The following TBC1D2 variants were observed in gnomAD, a reference collection of about 807,000 sequenced individuals.
TBC1D2 encodes the protein TBC1 domain family member 2A.
Under a neutral mutation model 91.1 loss-of-function variants are expected in TBC1D2, and 58 were observed. The ratio of observed to expected loss-of-function variants is 0.64; its 90% CI spans 0.52 to 0.79. The LOEUF (loss-of-function observed/expected upper bound fraction) is 0.79, where lower values mean the gene tolerates loss of function less well. TBC1D2 is among the 30% of genes least tolerant of loss of function. TBC1D2 has a pLI of 0.00. For synonymous variants in TBC1D2, 482 were observed against 511.5 expected (o/e 0.94, Z 0.78); for missense variants, 1,080 against 1,208.3 (o/e 0.89, Z 1.57).
Position 98,199,081 on chromosome 9 carries a change from TTCCAGGTTA to T in TBC1D2, c.*291_*299del. On this transcript the variant is annotated 3_prime_UTR_variant, in exon 13 of 13. Transcript: ENST00000465784. ...TTATATTGATATAACCTAGAGAATGTTCCAGGTTACCCTATAGAGGCAGTGCTCTTGCTT... is the reference window on the plus strand; with the variant it reads ...TTATATTGATATAACCTAGAGAATGTCCCTATAGAGGCAGTGCTCTTGCTT... 1 of 551,874 alleles carries T rather than the reference TTCCAGGTTA, an allele frequency of 1.8e-6. No individual in the cohort carries two copies. The allele number at this position is 551,874 out of a possible 1,614,324, so 34.2% of individuals were successfully genotyped here.
At chr9:98,248,496 G>A (rs533624068) in intron 2 of TBC1D2, among the ~76,000 whole-genome samples, 8 of 152,256 alleles carry the variant, frequency 5.3e-5, no homozygotes, top group Non-Finnish European at 7.3e-5. Flanking sequence ...TGACCCAGGA[G>A]GTCACTGCCT....
At position 98,251,900 on chromosome 9, in the gene TBC1D2, G is replaced by A. The variant is rs928526342; in HGVS notation, c.396C>T (p.Tyr132=). The A allele has an allele frequency of 3.1e-6, 5 of 1,600,676 alleles. No individual in the cohort carries two copies. In the Admixed American group the frequency reaches 6.9e-5, roughly 22 times the overall value. ...GCTTCATCTGCAGCTGCTGCAGCCA[G>A]TACAGCATCGCTTGCTTGGTGGCGG... The part of the protein sequence containing the change: ...LKAATKQAML[Y]WLQQLQMKRW... Residue 132 remains tyrosine (Y), a synonymous_variant, in exon 2 of 13, where the codon TAC becomes TAT. Transcript: ENST00000465784.
At chr9:98,249,679 G>T (rs1302571965) in intron 2 of TBC1D2, among the ~76,000 whole-genome samples, 1 of 152,078 alleles carries the variant, frequency 6.6e-6, no homozygotes. Flanking sequence ...AAGAATAAAA[G>T]GAACAGTTAT....
rs149431933 is a variant in TBC1D2 at position 98,238,699 on chromosome 9, T to C, written c.648-5150A>G. Reference sequence around the variant, plus strand: ...GCTTTGCATTTTTCATTGATTCCCTTTATCAAGCTGGGGAAGTTTCGTTCT... The same window carrying C: ...GCTTTGCATTTTTCATTGATTCCCTCTATCAAGCTGGGGAAGTTTCGTTCT... On this transcript the variant is annotated intron_variant, in intron 3 of 12. Coordinates refer to ENST00000465784, the MANE Select transcript of TBC1D2 (RefSeq NM_001267571.2). Among the ~76,000 whole-genome samples the C allele has an allele frequency of 4.9e-4, 67 of 136,480 alleles. 1 individual carries two copies. Among genetic ancestry groups the C allele is most frequent in the Non-Finnish European group, 7.1e-4 (48 of 67,666 alleles). The allele number at this position is 136,480 out of a possible 152,430, so 89.5% of individuals were successfully genotyped here.
At position 98,221,126 on chromosome 9, in the gene TBC1D2, G is replaced by C; in HGVS notation, c.1081C>G (p.Leu361Val). The C allele has an allele frequency of 6.3e-7, 1 of 1,590,164 alleles. No homozygotes were observed. Among genetic ancestry groups the C allele is most frequent in the Non-Finnish European group, 8.6e-7 (1 of 1,169,166 alleles). ...AAAEDKDRLE[L>V]VRHKVRQIAE... ...ATCTGCCGCACTTTGTGCCGCACCA[G>C]CTCCAGCCGGTCCTTGTCCTCAGCC... Residue 361 changes from leucine (L) to valine (V), a missense_variant, in exon 6 of 13, where the codon CTG (leucine) becomes GTG (valine). Leu to Val is a conservative substitution (Grantham distance 32). Coordinates refer to ENST00000465784, the MANE Select transcript of TBC1D2 (RefSeq NM_001267571.2).
In TBC1D2 at chr9:98,209,087, C is replaced by G. The variant is rs575777891; in HGVS notation, c.1731G>C (p.Lys577Asn). ...CCAATGCCTGGATCTTGGCCAGCAG[C>G]TTCAGGTCTTCCACCTCATAGTCGG... Reference protein sequence around the residue: ...TVPDYEVEDLKLLAKIQALES... With the variant: ...TVPDYEVEDLNLLAKIQALES... The change falls in exon 9 of 13, where the codon AAG becomes AAC. Residue 577 changes from lysine to asparagine, a missense_variant. Physicochemically the swap from Lys to Asn is moderately conservative, Grantham distance 94. Coordinates refer to ENST00000465784, the MANE Select transcript of TBC1D2 (RefSeq NM_001267571.2). 6.2e-7 allele frequency: 1 copy of G among 1,614,198 alleles called. No homozygotes were observed. Among genetic ancestry groups the G allele is most frequent in the South Asian group, 1.1e-5 (1 of 91,086 alleles).
chr9:98,252,557 T>G (rs1368351366), intron 1 of TBC1D2, among the ~76,000 whole-genome samples: 1 of 152,166 alleles, frequency 6.6e-6, no homozygotes, highest in Non-Finnish European at 1.5e-5. Context: ...GGTCCAAACA[T>G]CCACTTTCAC....
At chr9:98,239,051 A>G (rs1829575912) in intron 3 of TBC1D2, among the ~76,000 whole-genome samples, 1 of 151,412 alleles carries the variant, frequency 6.6e-6, no homozygotes, top group African/African-American at 2.4e-5. Flanking sequence ...AAAATTATTT[A>G]TTTATTTATT....
At chr9:98,251,649 C>T (rs1473918549) in intron 2 of TBC1D2, 136 bp downstream of exon 2, 1 of 1,320,770 alleles carries the variant, frequency 7.6e-7, no homozygotes, top group African/African-American at 1.5e-5. Flanking sequence ...AATTCTTGCC[C>T]TAACTAATCC....
chr9:98,221,166 G>A lies in TBC1D2; in HGVS notation c.1041C>T (p.Ser347=), dbSNP rs539472339. 1.4e-5 allele frequency: 22 copies of A among 1,566,398 alleles called. No homozygotes were observed. The African/African-American group carries it at 2.2e-4, about 15-fold the overall frequency. Residue 347 remains serine (S), a synonymous_variant, in exon 6 of 13, where the codon AGC becomes AGT. Coordinates refer to ENST00000465784, the MANE Select transcript of TBC1D2 (RefSeq NM_001267571.2). The stretch of plus-strand genomic sequence containing the variant: ...TGTCCTCAGCCGCCGCCAGGTATGC[G>A]CTGGACGCCCGCTTCTCCTGCTGGG... The part of the protein sequence containing the change: ...EAAQQEKRAS[S]AYLAAAEDKD...
At chr9:98,218,410 C>CA (rs201684507) in intron 6 of TBC1D2, among the ~76,000 whole-genome samples, 60,007 of 150,764 alleles carry the variant, frequency 0.4, 12,175 homozygotes, top group African/African-American at 0.43. Flanking sequence ...ACTAAAAATA[C>CA]AAAAAAATTA....
chr9:98,251,707 G>C lies in TBC1D2; in HGVS notation c.511+78C>G, dbSNP rs369721142. On this transcript the variant is annotated intron_variant, in intron 2 of 12. Coordinates refer to ENST00000465784, the MANE Select transcript of TBC1D2 (RefSeq NM_001267571.2). ...GCTTCCTTAGCAGAGGGCTCCTCCC[G>C]CTCATTCCCAGCAGGAGGGTAAAGG... 1.1e-4 allele frequency: 154 copies of C among 1,465,268 alleles called. No homozygotes were observed. The African/African-American group carries it at 1.9e-3, about 18-fold the overall frequency. 90.8% of individuals were successfully genotyped at this position (1,465,268 alleles called of 1,614,324 possible).
At chr9:98,238,994 A>T (rs1406634028) in intron 3 of TBC1D2, among the ~76,000 whole-genome samples, 1 of 152,058 alleles carries the variant, frequency 6.6e-6, no homozygotes, top group East Asian at 1.9e-4. Context: ...AAGTGCTGGG[A>T]TTGCAGGCAT....
At chr9:98,202,630 C>T (rs978105822) in intron 10 of TBC1D2, among the ~76,000 whole-genome samples, 4 of 152,160 alleles carry the variant, frequency 2.6e-5, no homozygotes, top group African/African-American at 4.8e-5. Flanking sequence ...GCAGGAGGAG[C>T]GGATGGGAGT....
intron 1 of TBC1D2, among the ~76,000 whole-genome samples, chr9:98,254,287 AT>A (rs1456868319): frequency 6.7e-6 from 1 of 148,490 alleles, no homozygotes; most frequent in Non-Finnish European, 1.5e-5. Flanking sequence ...TCCTCTTGAC[AT>A]TAGCACTCTG....
At position 98,233,428 on chromosome 9, in the gene TBC1D2, C is replaced by A. The variant is rs548342801; in HGVS notation, c.769G>T (p.Ala257Ser). Residue 257 changes from alanine to serine, a missense_variant, in exon 4 of 13, where the codon GCC (alanine) becomes TCC (serine). Physicochemically the swap from Ala to Ser is moderately conservative, Grantham distance 99. Transcript: ENST00000465784. Reference sequence around the variant, plus strand: ...GACAGAGGCTCACCTGGGGTGCTGGCGTCAGAGGCCAAGGGCTGCTCCTCC... The same window carrying A: ...GACAGAGGCTCACCTGGGGTGCTGGAGTCAGAGGCCAAGGGCTGCTCCTCC... Reference protein sequence around the residue: ...QREEQPLASDASTPGREPEDS... With the variant: ...QREEQPLASDSSTPGREPEDS... 3.1e-6 allele frequency: 5 copies of A among 1,613,700 alleles called. No homozygotes were observed. In the East Asian group the frequency reaches 1.1e-4, roughly 36 times the overall value.
Position 98,200,304 on chromosome 9 carries a change from A to C in TBC1D2, c.2528T>G (p.Leu843Arg). The change falls in exon 12 of 13, where the codon CTG becomes CGG. Residue 843 changes from leucine to arginine, a missense_variant. By Grantham distance (102) the Leu-to-Arg change is moderately radical (BLOSUM62 -2). Coordinates refer to ENST00000465784, the MANE Select transcript of TBC1D2 (RefSeq NM_001267571.2). The stretch of plus-strand genomic sequence containing the variant: ...GAAGCGCAGGTACTGGTAGATTTCC[A>C]GGCCATTCTGTAGCCTCAAGATCTC... Reference protein sequence around the residue: ...EKEILRLQNGLEIYQYLRFFT... With the variant: ...EKEILRLQNGREIYQYLRFFT... 6.2e-7 allele frequency: 1 copy of C among 1,613,516 alleles called. No homozygotes were observed. The highest frequency in any genetic ancestry group is 8.5e-7 in the Non-Finnish European group (1 of 1,179,896).
intron 2 of TBC1D2, among the ~76,000 whole-genome samples, chr9:98,250,218 C>T (rs1001785143): frequency 7.2e-5 from 11 of 152,024 alleles, no homozygotes; most frequent in African/African-American, 2.4e-4. Context: ...GAGACTCTGC[C>T]GAAGCATCAA....
Position 98,200,263 on chromosome 9 carries a change from A to C in TBC1D2, c.2569T>G (p.Ser857Ala), listed in dbSNP as rs770373796. 6.2e-7 allele frequency: 1 copy of C among 1,613,290 alleles called. No individual in the cohort carries two copies. The highest frequency in any genetic ancestry group is 2.2e-5 in the East Asian group (1 of 44,830). Residue 857 changes from serine (S) to alanine (A), a missense_variant, in exon 12 of 13, where the codon TCC becomes GCC. Ser to Ala is a moderately conservative substitution (Grantham distance 99). Transcript: ENST00000465784. ...GTGGGGGTTCCTCACCGGCTGTTGGAGATGGTCTTGGTGAAGAAGCGCAGG... is the reference window on the plus strand; with the variant it reads ...GTGGGGGTTCCTCACCGGCTGTTGGCGATGGTCTTGGTGAAGAAGCGCAGG... ...QYLRFFTKTI[S>A]NSRKLMNIAF...
Sources: gnomAD v4.1 joint callset for allele counts (sites outside exome capture counted in the v4.1 genomes callset) on GRCh38, gnomAD v4.1.1 for gene constraint, MANE v1.5 for transcripts, NCBI Gene and HGNC (gene_info 2026-07-23, HGNC 2026-07-21) for gene names.